IL1RAPL2: variants seen among roughly 807,000 people sequenced by gnomAD.
IL1RAPL2 encodes the protein X-linked interleukin-1 receptor accessory protein-like 2.
Under a neutral mutation model 44.1 loss-of-function variants are expected in IL1RAPL2, and 3 were observed. That is an observed-to-expected ratio of 0.07 (90% CI 0.03 to 0.18). The LOEUF (loss-of-function observed/expected upper bound fraction) is 0.18, where lower values mean the gene tolerates loss of function less well. Ranked by LOEUF, IL1RAPL2 falls within the 10% of genes least tolerant of loss-of-function variation. The pLI, the probability that IL1RAPL2 is intolerant of heterozygous loss-of-function variation, is 1.00. For missense variants in IL1RAPL2, 391 were observed against 496.4 expected (o/e 0.79, Z 2.02); for synonymous variants, 181 against 178.8 (o/e 1.01, Z -0.10).
intron 5 of IL1RAPL2, among the ~76,000 whole-genome samples, chrX:105,351,646 G>C (rs1325643673): frequency 9.1e-6 from 1 of 110,401 alleles, no homozygotes; most frequent in Non-Finnish European, 1.9e-5. Context: ...GGGGGGCTAG[G>C]GGAGGGATAG....
intron 6 of IL1RAPL2, among the ~76,000 whole-genome samples, chrX:105,502,499 G>A (rs1466199431): frequency 9.0e-6 from 1 of 111,219 alleles, no homozygotes; most frequent in Non-Finnish European, 1.9e-5. Flanking sequence ...GATCATCTGT[G>A]TGAAGGCACT....
At chrX:105,610,058 G>C (rs953289356) in intron 6 of IL1RAPL2, among the ~76,000 whole-genome samples, 16 of 111,569 alleles carry the variant, frequency 1.4e-4, no homozygotes, top group African/African-American at 3.9e-4. Flanking sequence ...GCTTGCCTGT[G>C]TCTCCCATTT....
chrX:105,220,110 G>A lies in IL1RAPL2; in HGVS notation c.357-13708G>A, dbSNP rs782644244. 2.2e-5 allele frequency: 27 copies of A among 1,209,807 alleles called. No homozygotes were observed. The East Asian group carries it at 5.9e-4, about 27-fold the overall frequency. On this transcript the variant is annotated intron_variant, in intron 3 of 10. Coordinates refer to ENST00000372582, the MANE Select transcript of IL1RAPL2 (RefSeq NM_017416.2). ...GTGCGGCTGATTTGTGCAGTTTGGC[G>A]AAGCCGTGCAGCCACCGCACCCTGT...
Position 105,097,178 on chromosome X carries a change from A to G in IL1RAPL2, c.83-98297A>G, listed in dbSNP as rs753405062. The stretch of plus-strand genomic sequence containing the variant: ...CCCATCCCTACTAAAAATATAAAAA[A>G]TTAGTCGGGCGTGGTGACTGGCGCC... On this transcript the variant is annotated intron_variant, in intron 2 of 10. Coordinates refer to ENST00000372582, the MANE Select transcript of IL1RAPL2 (RefSeq NM_017416.2). 6.4e-5 allele frequency among the ~76,000 whole-genome samples: 7 copies of G among 108,754 alleles called. No individual in the cohort carries two copies. The Admixed American group carries it at 6.9e-4, about 11-fold the overall frequency. The allele number at this position is 108,754 out of a possible 115,157, so 94.4% of individuals were successfully genotyped here. A position where few individuals can be genotyped will look rare whatever the true frequency, so the allele number is the denominator to read the frequency against.
intron 2 of IL1RAPL2, among the ~76,000 whole-genome samples, chrX:105,168,452 T>TGTGC (rs1159452001): frequency 4.1e-5 from 4 of 97,217 alleles, no homozygotes; most frequent in Admixed American, 2.4e-4. Flanking sequence ...TGTGTGTGTG[T>TGTGC]GCACGTGCAT....
chrX:105,673,319 C>T (rs182790166), intron 6 of IL1RAPL2, among the ~76,000 whole-genome samples: 93 of 110,692 alleles, frequency 8.4e-4, no homozygotes, highest in Admixed American at 3.0e-3. Context: ...CTCTCCCTAC[C>T]CCCATCCCAC....
chrX:105,469,078 C>A (rs1418889385), intron 5 of IL1RAPL2, among the ~76,000 whole-genome samples: 1 of 111,658 alleles, frequency 9.0e-6, no homozygotes, highest in Non-Finnish European at 1.9e-5. Context: ...TCTTAGTCTG[C>A]ATCACAGAAA....
At chrX:105,736,548 A>T (rs1002087407) in intron 7 of IL1RAPL2, among the ~76,000 whole-genome samples, 3 of 111,674 alleles carry the variant, frequency 2.7e-5, no homozygotes, top group African/African-American at 6.5e-5. Context: ...TCCATAAAAA[A>T]GTGGGCAAAG....
chrX:105,382,979 G>T, intron 5 of IL1RAPL2, among the ~76,000 whole-genome samples: 1 of 65,242 alleles, frequency 1.5e-5, no homozygotes, highest in South Asian at 1.6e-3. Context: ...TGGGGTGGGG[G>T]GAGGGGGGAG....
At chrX:104,828,577 A>C (rs1432669214) in intron 2 of IL1RAPL2, among the ~76,000 whole-genome samples, 1 of 74,728 alleles carries the variant, frequency 1.3e-5, no homozygotes, top group African/African-American at 5.2e-5. Flanking sequence ...CCCTGTTGGG[A>C]AGTGTCTCAC....
At chrX:105,160,269 G>A (rs2033311240) in intron 2 of IL1RAPL2, among the ~76,000 whole-genome samples, 1 of 110,734 alleles carries the variant, frequency 9.0e-6, no homozygotes, top group Non-Finnish European at 1.9e-5. Flanking sequence ...TTCTGAGCTT[G>A]CCCATGCTTT....
At chrX:105,337,014 G>A in intron 5 of IL1RAPL2, among the ~76,000 whole-genome samples, 1 of 111,058 alleles carries the variant, frequency 9.0e-6, no homozygotes, top group Non-Finnish European at 1.9e-5. Flanking sequence ...TTTTAGACCA[G>A]TAATTACAAA....
chrX:105,424,279 T>A (rs1215861126), intron 5 of IL1RAPL2, among the ~76,000 whole-genome samples: 1 of 111,548 alleles, frequency 9.0e-6, no homozygotes, highest in African/African-American at 3.3e-5. Flanking sequence ...TGAAAATTGG[T>A]TCGGTCTGGA....
At chrX:105,581,361 G>T (rs368595544) in intron 6 of IL1RAPL2, among the ~76,000 whole-genome samples, 4 of 111,645 alleles carry the variant, frequency 3.6e-5, no homozygotes, top group South Asian at 7.4e-4. Flanking sequence ...TTAAAGACAG[G>T]AGATGTTAAT....
At chrX:105,734,217 C>T (rs1468266494) in intron 7 of IL1RAPL2, among the ~76,000 whole-genome samples, 2 of 110,464 alleles carry the variant, frequency 1.8e-5, no homozygotes, top group African/African-American at 6.6e-5. Context: ...TATGATGTCA[C>T]TGCCTTTAGT....
chrX:105,055,341 C>A (rs1168516614), intron 2 of IL1RAPL2, among the ~76,000 whole-genome samples: 1 of 111,780 alleles, frequency 8.9e-6, no homozygotes. Context: ...CCTCCTAATA[C>A]CATCAAACTG....
intron 2 of IL1RAPL2, among the ~76,000 whole-genome samples, chrX:104,701,382 G>C (rs1050769245): frequency 9.0e-6 from 1 of 111,665 alleles, no homozygotes; most frequent in Non-Finnish European, 1.9e-5. Flanking sequence ...TTCAAGCTCG[G>C]GTGGTTTGAA....
intron 4 of IL1RAPL2, among the ~76,000 whole-genome samples, chrX:105,256,808 C>G (rs1404738846): frequency 1.8e-5 from 2 of 111,415 alleles, no homozygotes; most frequent in Non-Finnish European, 3.8e-5. Context: ...GTGGGGTCAG[C>G]AGTAACATTT....
intron 6 of IL1RAPL2, among the ~76,000 whole-genome samples, chrX:105,531,762 T>C (rs73529014): frequency 0.057 from 6,323 of 111,777 alleles, 470 homozygotes; most frequent in African/African-American, 0.2. Context: ...TCTAATTTCA[T>C]TCTCCTACAT....
Sources: gnomAD v4.1 joint callset for allele counts (sites outside exome capture counted in the v4.1 genomes callset) on GRCh38, gnomAD v4.1.1 for gene constraint, MANE v1.5 for transcripts, NCBI Gene and HGNC (gene_info 2026-07-23, HGNC 2026-07-21) for gene names.